Variants in ZNF385B observed in about 807,000 individuals in gnomAD.
ZNF385B encodes the protein zinc finger protein 385B, also known as zinc finger protein 533.
A neutral mutation model predicts 39.2 loss-of-function variants in ZNF385B; 23 were observed. The observed-to-expected ratio is 0.59, with a 90% CI of 0.42 to 0.83. The LOEUF is 0.83. Among genes scored for constraint, ZNF385B ranks in the 40% least tolerant of loss-of-function variants. The pLI is 0.00. For missense variants in ZNF385B, 552 were observed against 598.9 expected, an observed-to-expected ratio of 0.92 and a Z score of 0.82; for synonymous variants, 205 against 222.6, an observed-to-expected ratio of 0.92 and a Z score of 0.70.
chr2:179,784,305 C>T (rs550501773), intron 1 of ZNF385B, among the ~76,000 whole-genome samples: 3 of 151,908 alleles, frequency 2.0e-5, no homozygotes, highest in East Asian at 1.9e-4. Context: ...AGCAGACACT[C>T]GGGTCTACTT....
Position 179,711,827 on chromosome 2 carries a change from T to A in ZNF385B, c.298+57676A>T, listed in dbSNP as rs544505751. Reference sequence around the variant, plus strand: ...AATGCTATATAAACTGCATTTTTTTTAACAAGCAGTAGCAGTTCTGTTCAG... The same window carrying A: ...AATGCTATATAAACTGCATTTTTTTAAACAAGCAGTAGCAGTTCTGTTCAG... On this transcript the variant is annotated intron_variant, in intron 3 of 9. Coordinates refer to ENST00000410066, the MANE Select transcript of ZNF385B (RefSeq NM_152520.6). Among the ~76,000 whole-genome samples, 21 of 151,958 alleles carry A rather than the reference T, an allele frequency of 1.4e-4. No homozygotes were observed. In the East Asian group the frequency reaches 2.9e-3, roughly 21 times the overall value.
rs76976326 is a variant in ZNF385B, at chr2:179,826,487, C to T, written c.-155+34614G>A. 8.0e-3 allele frequency among the ~76,000 whole-genome samples: 1,218 copies of T among 152,222 alleles called. 17 individuals are homozygous for T. The highest frequency in any genetic ancestry group is 0.027 in the African/African-American group (1,137 of 41,514). The stretch of plus-strand genomic sequence containing the variant: ...AGACACCACTTACCCCAGCCCCATC[C>T]ATCTCTGTGAAGCAAAGAGGGCTAT... On this transcript the variant is annotated intron_variant, in intron 1 of 9. Transcript: ENST00000410066.
chr2:179,590,676 T>A (rs1305752442), intron 3 of ZNF385B, among the ~76,000 whole-genome samples: 1 of 152,118 alleles, frequency 6.6e-6, no homozygotes, highest in Non-Finnish European at 1.5e-5. Flanking sequence ...GGGAGGGACC[T>A]TGTGGGAGGT....
intron 5 of ZNF385B, among the ~76,000 whole-genome samples, chr2:179,494,627 A>G (rs1056774180): frequency 3.9e-5 from 6 of 152,116 alleles, no homozygotes; most frequent in African/African-American, 1.4e-4. Context: ...TTAAAAATCT[A>G]TGTAAAACAA....
At chr2:179,819,876 T>TGTAGTATATATATTGTA (rs1707298587) in intron 1 of ZNF385B, among the ~76,000 whole-genome samples, 2 of 152,192 alleles carry the variant, frequency 1.3e-5, no homozygotes, top group Non-Finnish European at 2.9e-5. Flanking sequence ...TGTATTATAC[T>TGTAGTATATATATTGTA]TTTTTCATAT....
intron 3 of ZNF385B, among the ~76,000 whole-genome samples, chr2:179,609,748 T>G (rs1308655948): frequency 6.6e-6 from 1 of 152,208 alleles, no homozygotes; most frequent in Non-Finnish European, 1.5e-5. Flanking sequence ...TGTTCTTGCC[T>G]GTCTTTTGAA....
intron 5 of ZNF385B, among the ~76,000 whole-genome samples, chr2:179,510,741 C>T (rs2057617369): frequency 2.0e-5 from 3 of 150,790 alleles, no homozygotes; most frequent in Non-Finnish European, 1.5e-5. Context: ...CATTTTTGTG[C>T]CAGAAAAAGA....
At chr2:179,452,600 A>G (rs931581783) in intron 6 of ZNF385B, among the ~76,000 whole-genome samples, 1 of 152,110 alleles carries the variant, frequency 6.6e-6, no homozygotes, top group Non-Finnish European at 1.5e-5. Context: ...TTATTATTTG[A>G]CTTGTAAGAT....
intron 3 of ZNF385B, among the ~76,000 whole-genome samples, chr2:179,658,781 A>T (rs1018238891): frequency 5.3e-5 from 8 of 152,114 alleles, no homozygotes; most frequent in Admixed American, 5.2e-4. Context: ...AAATAGTTAC[A>T]TTCTTATTTT....
chr2:179,659,154 C>T (rs1003460402), intron 3 of ZNF385B, among the ~76,000 whole-genome samples: 3 of 152,176 alleles, frequency 2.0e-5, no homozygotes, highest in South Asian at 2.1e-4. Context: ...CACAACTGTT[C>T]GAAGTATAAT....
At chr2:179,522,582 A>G (rs2058581900) in intron 4 of ZNF385B, among the ~76,000 whole-genome samples, 1 of 152,206 alleles carries the variant, frequency 6.6e-6, no homozygotes, top group South Asian at 2.1e-4. Flanking sequence ...TACTGGAGGT[A>G]CTGCAACTAC....
intron 3 of ZNF385B, among the ~76,000 whole-genome samples, chr2:179,635,921 G>T (rs1691710384): frequency 6.6e-6 from 1 of 152,150 alleles, no homozygotes; most frequent in East Asian, 1.9e-4. Flanking sequence ...CTTATGGTTT[G>T]TGCCTTATCA....
intron 3 of ZNF385B, among the ~76,000 whole-genome samples, chr2:179,630,114 C>T (rs1691057358): frequency 6.6e-6 from 1 of 152,266 alleles, no homozygotes; most frequent in Non-Finnish European, 1.5e-5. Flanking sequence ...CAGCAGACAA[C>T]TTCTGCAGAC....
intron 3 of ZNF385B, among the ~76,000 whole-genome samples, chr2:179,644,986 A>G (rs919361319): frequency 1.3e-5 from 2 of 152,148 alleles, no homozygotes; most frequent in African/African-American, 4.8e-5. Flanking sequence ...ACATACTATA[A>G]TTTCCCATTA....
At chr2:179,625,121 T>A (rs1421796802) in intron 3 of ZNF385B, among the ~76,000 whole-genome samples, 1 of 152,188 alleles carries the variant, frequency 6.6e-6, no homozygotes, top group African/African-American at 2.4e-5. Context: ...GTGATGTAGA[T>A]ATTTTCTAGT....
chr2:179,804,125 C>G (rs1248662066), intron 1 of ZNF385B, among the ~76,000 whole-genome samples: 2 of 152,212 alleles, frequency 1.3e-5, no homozygotes. Context: ...AACTGCTTCT[C>G]TCTCTGTGTG....
chr2:179,546,122 C>T (rs2060215418), intron 3 of ZNF385B, among the ~76,000 whole-genome samples: 1 of 152,098 alleles, frequency 6.6e-6, no homozygotes, highest in African/African-American at 2.4e-5. Context: ...GTAGCCCCGA[C>T]CTCCCTGGGC....
chr2:179,698,077 A>T (rs1698905500), intron 3 of ZNF385B, among the ~76,000 whole-genome samples: 2 of 152,226 alleles, frequency 1.3e-5, no homozygotes, highest in South Asian at 4.2e-4. Context: ...GCATTAGGAG[A>T]TATACCTAAT....
chr2:179,586,288 G>A (rs183953054), intron 3 of ZNF385B, among the ~76,000 whole-genome samples: 1 of 152,234 alleles, frequency 6.6e-6, no homozygotes, highest in Admixed American at 6.5e-5. Context: ...TAACAGTCTC[G>A]AAACCACTTT....
Sources: gnomAD v4.1 joint callset for allele counts (sites outside exome capture counted in the v4.1 genomes callset) on GRCh38, gnomAD v4.1.1 for gene constraint, MANE v1.5 for transcripts, NCBI Gene and HGNC (gene_info 2026-07-23, HGNC 2026-07-21) for gene names.